Variants in NRG1 observed in about 807,000 individuals in gnomAD.
NRG1 encodes the protein pro-neuregulin-1, membrane-bound isoform.
A neutral mutation model predicts 63.8 loss-of-function variants in NRG1; 18 were observed. The observed-to-expected ratio is 0.28, with a 90% CI of 0.19 to 0.42. NRG1 has a LOEUF of 0.42. NRG1 is among the 10% of genes least tolerant of loss of function. NRG1 has a pLI of 1.00. For synonymous variants in NRG1, 302 were observed against 301.3 expected, an observed-to-expected ratio of 1.00 and a Z score of -0.02; for missense variants, 762 against 814.7, an observed-to-expected ratio of 0.94 and a Z score of 0.79.
At chr8:31,845,489 T>C (rs1048570343) in intron 1 of NRG1, among the ~76,000 whole-genome samples, 1 of 152,184 alleles carries the variant, frequency 6.6e-6, no homozygotes, top group Non-Finnish European at 1.5e-5. Flanking sequence ...AATCCTGAAA[T>C]GTGGAGGAGG....
intron 1 of NRG1, among the ~76,000 whole-genome samples, chr8:32,231,819 C>T (rs1258057641): frequency 1.3e-5 from 2 of 150,702 alleles, no homozygotes; most frequent in Admixed American, 6.6e-5. Context: ...GAATTGAATT[C>T]GAGAGGCGGA....
intron 1 of NRG1, among the ~76,000 whole-genome samples, chr8:32,037,946 C>T (rs939464871): frequency 3.3e-5 from 5 of 152,222 alleles, no homozygotes; most frequent in Non-Finnish European, 7.3e-5. Context: ...TGAGCAAGGC[C>T]GCTTGGCTCC....
chr8:32,206,342 C>G (rs963941090), intron 1 of NRG1, among the ~76,000 whole-genome samples: 1 of 151,978 alleles, frequency 6.6e-6, no homozygotes, highest in Non-Finnish European at 1.5e-5. Context: ...GTCATGGAGC[C>G]TATGCCACTA....
chr8:32,021,678 A>G (rs889252249), intron 1 of NRG1, among the ~76,000 whole-genome samples: 2 of 150,282 alleles, frequency 1.3e-5, no homozygotes, highest in Non-Finnish European at 3.0e-5. Context: ...GACATAGCAC[A>G]ACACTTAAAA....
chr8:32,488,829 C>T (rs868266411), intron 1 of NRG1, among the ~76,000 whole-genome samples: 9 of 152,102 alleles, frequency 5.9e-5, no homozygotes, highest in African/African-American at 1.7e-4. Context: ...CTCAGAGTTT[C>T]GAGTAACGAC....
chr8:32,337,653 C>CGAAAAAAAAAAAAAAAAAAAAAAAAAAAA (rs1803452831), intron 1 of NRG1, among the ~76,000 whole-genome samples: 1 of 24,704 alleles, frequency 4.0e-5, no homozygotes, highest in African/African-American at 1.5e-4. Flanking sequence ...AGAGTTATTG[C>CGAAAAAAAAAAAAAAAAAAAAAAAAAAAA]AAAAAAAAAA....
intron 1 of NRG1, among the ~76,000 whole-genome samples, chr8:31,870,608 A>G (rs1051161996): frequency 3.8e-4 from 58 of 152,210 alleles, no homozygotes; most frequent in African/African-American, 1.4e-3. Flanking sequence ...TTTATTAAAA[A>G]GTAAACACAA....
At position 32,224,745 on chromosome 8, in the gene NRG1, A is replaced by G. The variant is rs1846156017; in HGVS notation, c.38-371083A>G. Among the ~76,000 whole-genome samples the G allele has an allele frequency of 2.0e-5, 3 of 152,230 alleles. No individual in the cohort carries two copies. The South Asian group carries it at 6.2e-4, about 32-fold the overall frequency. On this transcript the variant is annotated intron_variant, in intron 1 of 10. Coordinates refer to the NRG1 transcript ENST00000519301. ...GACAGGATGATGCAGCTGAATGGAAAGAACACTGCATAGGGGTCAGAAGGT... is the reference window on the plus strand; with the variant it reads ...GACAGGATGATGCAGCTGAATGGAAGGAACACTGCATAGGGGTCAGAAGGT...
intron 1 of NRG1, among the ~76,000 whole-genome samples, chr8:31,868,336 C>T (rs915428749): frequency 6.6e-6 from 1 of 152,074 alleles, no homozygotes; most frequent in Non-Finnish European, 1.5e-5. Context: ...AGGGAAACAT[C>T]CCTGAGGAAA....
chr8:31,670,861 A>G (rs756849570), intron 1 of NRG1, among the ~76,000 whole-genome samples: 10 of 152,018 alleles, frequency 6.6e-5, no homozygotes, highest in Non-Finnish European at 2.9e-5. Flanking sequence ...ACTTGGGTAA[A>G]TTGCATGTTG....
At chr8:32,069,188 T>A (rs915799243) in intron 1 of NRG1, among the ~76,000 whole-genome samples, 16 of 152,154 alleles carry the variant, frequency 1.1e-4, no homozygotes, top group African/African-American at 3.9e-4. Flanking sequence ...CTTTTAGAGT[T>A]CAAAGTGAAC....
intron 1 of NRG1, among the ~76,000 whole-genome samples, chr8:31,665,382 A>C (rs188352391): frequency 1.3e-3 from 191 of 152,312 alleles, no homozygotes; most frequent in African/African-American, 4.5e-3. Context: ...AGTATTTTGC[A>C]CCCAGGATGG....
At chr8:31,779,566 T>G (rs1387323404) in intron 1 of NRG1, among the ~76,000 whole-genome samples, 2 of 152,198 alleles carry the variant, frequency 1.3e-5, no homozygotes, top group Non-Finnish European at 1.5e-5. Context: ...AGCAGTTGCT[T>G]TTAAACTTCT....
At chr8:32,647,819 A>G in intron 5 of NRG1, 2 of 1,613,740 alleles carry the variant, frequency 1.2e-6, no homozygotes, top group Non-Finnish European at 1.7e-6. Flanking sequence ...GGCTTCCGGC[A>G]GCAGAAGACA....
chr8:32,669,376 G>A (rs1805038048), intron 5 of NRG1, among the ~76,000 whole-genome samples: 1 of 152,116 alleles, frequency 6.6e-6, no homozygotes, highest in African/African-American at 2.4e-5. Context: ...GAACCCTGGA[G>A]CCCAAAAGAA....
At chr8:32,146,836 G>A (rs1461036213) in intron 1 of NRG1, among the ~76,000 whole-genome samples, 2 of 151,952 alleles carry the variant, frequency 1.3e-5, no homozygotes, top group African/African-American at 4.8e-5. Context: ...ATTGGTGTAA[G>A]CTCTTAAGTT....
At chr8:32,365,526 C>A (rs1270643600) in intron 1 of NRG1, among the ~76,000 whole-genome samples, 2 of 151,646 alleles carry the variant, frequency 1.3e-5, no homozygotes, top group African/African-American at 4.9e-5. Context: ...GATATTTGAC[C>A]CATCTGGAAT....
At chr8:32,626,722 AT>A (rs1421098926) in intron 5 of NRG1, among the ~76,000 whole-genome samples, 1 of 151,508 alleles carries the variant, frequency 6.6e-6, no homozygotes, top group Non-Finnish European at 1.5e-5. Context: ...TGGTTATGTA[AT>A]TTAAAAGAAA....
intron 1 of NRG1, among the ~76,000 whole-genome samples, chr8:32,409,333 C>A (rs1011811682): frequency 6.6e-6 from 1 of 152,138 alleles, no homozygotes; most frequent in African/African-American, 2.4e-5. Context: ...CTCTTCTGGG[C>A]ATTGCCTAGG....
Sources: allele counts gnomAD v4.1 joint callset (sites outside exome capture counted in the v4.1 genomes callset), GRCh38; gene constraint gnomAD v4.1.1; transcripts MANE v1.5; gene names NCBI Gene and HGNC (gene_info 2026-07-23, HGNC 2026-07-21).